The following GRIK2 variants were observed in gnomAD, a reference collection of about 807,000 sequenced individuals.
GRIK2 encodes the protein glutamate receptor ionotropic, kainate 2.
GRIK2 carries 32 observed loss-of-function variants against 100.3 expected under a neutral mutation model. The ratio of observed to expected loss-of-function variants is 0.32; its 90% CI spans 0.24 to 0.43. The LOEUF (loss-of-function observed/expected upper bound fraction) is 0.43. Ranked by LOEUF, GRIK2 falls within the 20% of genes least tolerant of loss-of-function variation. GRIK2 has a pLI of 1.00. For synonymous variants in GRIK2, 417 were observed against 389.4 expected (o/e 1.07, Z -0.83); for missense variants, 843 against 1,114.9 (o/e 0.76, Z 3.47).
intron 15 of GRIK2, among the ~76,000 whole-genome samples, chr6:102,037,282 G>C (rs984678637): frequency 6.6e-6 from 1 of 151,190 alleles, no homozygotes; most frequent in South Asian, 2.1e-4. Context: ...GGGGTTAATG[G>C]TGTAATTGGA....
intron 2 of GRIK2, among the ~76,000 whole-genome samples, chr6:101,457,789 T>C (rs879130042): frequency 1.3e-5 from 2 of 152,150 alleles, no homozygotes; most frequent in Admixed American, 6.5e-5. Flanking sequence ...AAATTACAAG[T>C]AGCCATGCTT....
intron 14 of GRIK2, among the ~76,000 whole-genome samples, chr6:101,962,223 A>T (rs1199808487): frequency 1.3e-5 from 2 of 151,960 alleles, no homozygotes; most frequent in Non-Finnish European, 1.5e-5. Context: ...TGGGTTCTTT[A>T]ATAGACTGTG....
chr6:101,511,829 T>C (rs1057508006), intron 2 of GRIK2, among the ~76,000 whole-genome samples: 3 of 151,946 alleles, frequency 2.0e-5, no homozygotes, highest in Non-Finnish European at 4.4e-5. Context: ...TTCAGATTAG[T>C]GTGGAATTTT....
At chr6:102,025,669 A>C (rs1001954396) in intron 14 of GRIK2, among the ~76,000 whole-genome samples, 10 of 151,212 alleles carry the variant, frequency 6.6e-5, no homozygotes, top group Non-Finnish European at 1.5e-5. Flanking sequence ...TACTTTATAC[A>C]TACTCATATT....
rs180738421 is a variant in GRIK2, at chr6:101,511,006, C to T, written c.116-110943C>T. Among the ~76,000 whole-genome samples the T allele has an allele frequency of 1.5e-3, 222 of 152,264 alleles. 1 individual carries two copies. The highest frequency in any genetic ancestry group is 5.0e-3 in the African/African-American group (208 of 41,554). ...AGCATGGGGAGACTTTATCAAATCACATGTTGCATTAAGTGGTAACATTAC... is the reference window on the plus strand; with the variant it reads ...AGCATGGGGAGACTTTATCAAATCATATGTTGCATTAAGTGGTAACATTAC... On this transcript the variant is annotated intron_variant, in intron 2 of 16. Coordinates refer to ENST00000369134, the MANE Select transcript of GRIK2 (RefSeq NM_021956.5).
At chr6:101,912,628 A>C (rs569215937) in intron 12 of GRIK2, among the ~76,000 whole-genome samples, 2 of 151,604 alleles carry the variant, frequency 1.3e-5, no homozygotes, top group African/African-American at 4.8e-5. Context: ...TTTCATGAAG[A>C]GATCTGTTGT....
chr6:102,035,743 T>C (rs1770236295), intron 15 of GRIK2, among the ~76,000 whole-genome samples, 177 bp downstream of exon 15: 2 of 151,378 alleles, frequency 1.3e-5, no homozygotes, highest in Admixed American at 6.6e-5. Flanking sequence ...TCTGAATAGA[T>C]AAGTCAAAAA....
chr6:101,843,163 C>A (rs1223266494), intron 10 of GRIK2, among the ~76,000 whole-genome samples: 7 of 152,076 alleles, frequency 4.6e-5, no homozygotes, highest in Admixed American at 2.6e-4. Flanking sequence ...ATTTATTACA[C>A]CAAAATTGGT....
intron 2 of GRIK2, among the ~76,000 whole-genome samples, chr6:101,407,385 T>G (rs907363300): frequency 5.9e-5 from 9 of 152,112 alleles, no homozygotes; most frequent in African/African-American, 2.2e-4. Context: ...TAAATTGCAA[T>G]TAATGTCAGA....
intron 2 of GRIK2, among the ~76,000 whole-genome samples, chr6:101,441,376 C>A (rs888786196): frequency 1.3e-4 from 20 of 152,226 alleles, no homozygotes; most frequent in African/African-American, 4.8e-4. Context: ...AACAAACAAA[C>A]AAACAAAAAG....
At chr6:101,958,255 G>C (rs4400224) in intron 14 of GRIK2, among the ~76,000 whole-genome samples, 10 of 44,966 alleles carry the variant, frequency 2.2e-4, no homozygotes, top group African/African-American at 1.1e-3. Flanking sequence ...CTACATATTT[G>C]TGTGTGTGTG....
chr6:101,562,075 G>A (rs2128295906), intron 2 of GRIK2, among the ~76,000 whole-genome samples: 1 of 152,248 alleles, frequency 6.6e-6, no homozygotes, highest in South Asian at 2.1e-4. Flanking sequence ...CAATGGCAAA[G>A]CTTTATGCCT....
intron 2 of GRIK2, among the ~76,000 whole-genome samples, chr6:101,450,416 T>C (rs1208723402): frequency 2.0e-5 from 3 of 151,684 alleles, no homozygotes; most frequent in Non-Finnish European, 4.4e-5. Context: ...CTTTGGAGTT[T>C]AAGAAATATG....
intron 12 of GRIK2, among the ~76,000 whole-genome samples, chr6:101,913,193 C>T (rs749802013): frequency 1.3e-5 from 2 of 151,620 alleles, no homozygotes; most frequent in South Asian, 2.1e-4. Flanking sequence ...ACATTGCTCT[C>T]GCTTAATAAA....
intron 2 of GRIK2, among the ~76,000 whole-genome samples, chr6:101,563,567 C>T (rs1562228643): frequency 6.6e-6 from 1 of 152,062 alleles, no homozygotes; most frequent in Non-Finnish European, 1.5e-5. Flanking sequence ...CTTTATCCCA[C>T]ACAATTTTTC....
chr6:101,966,552 C>T (rs1231990991), intron 14 of GRIK2, among the ~76,000 whole-genome samples: 2 of 152,004 alleles, frequency 1.3e-5, no homozygotes, highest in African/African-American at 4.8e-5. Flanking sequence ...ATGTTGAGGA[C>T]CTGAATGTTC....
At chr6:101,839,050 G>T (rs1783333083) in intron 10 of GRIK2, among the ~76,000 whole-genome samples, 1 of 151,318 alleles carries the variant, frequency 6.6e-6, no homozygotes, top group Admixed American at 6.6e-5. Context: ...CACCAGTTTT[G>T]TTTGTTTGTT....
chr6:101,818,176 C>A (rs561340887), intron 9 of GRIK2, among the ~76,000 whole-genome samples, 194 bp from the exon 10 acceptor site: 1 of 152,254 alleles, frequency 6.6e-6, no homozygotes, highest in African/African-American at 2.4e-5. Flanking sequence ...TCGTTTTGTT[C>A]TTTAATGTTA....
intron 7 of GRIK2, among the ~76,000 whole-genome samples, chr6:101,798,215 T>C (rs1224617455): frequency 5.9e-5 from 9 of 152,102 alleles, no homozygotes; most frequent in Non-Finnish European, 8.8e-5. Context: ...TTGACAGTTA[T>C]ATATTTTAAA....
Sources: gnomAD v4.1 joint callset for allele counts (sites outside exome capture counted in the v4.1 genomes callset) on GRCh38, gnomAD v4.1.1 for gene constraint, MANE v1.5 for transcripts, NCBI Gene and HGNC (gene_info 2026-07-23, HGNC 2026-07-21) for gene names.